MMS22L: variants seen among roughly 807,000 people sequenced by gnomAD.
The protein encoded by MMS22L is MMS22 like, DNA repair protein.
In MMS22L, 74 loss-of-function variants were observed where a neutral mutation model predicts 159.1. The ratio of observed to expected loss-of-function variants is 0.47; its 90% confidence interval spans 0.39 to 0.56. The LOEUF is 0.56. Among genes scored for constraint, MMS22L ranks in the 20% least tolerant of loss-of-function variants. The probability of loss-of-function intolerance (pLI) is 0.00; values close to 1 mark genes in which losing one functional copy is unlikely to be tolerated. For synonymous variants in MMS22L, 517 were observed against 506.9 expected (o/e 1.02, Z -0.27); for missense variants, 1,351 against 1,422.1 (o/e 0.95, Z 0.80).
In MMS22L at chr6:97,252,535, C is replaced by G. The variant is rs140620487; in HGVS notation, c.1119+2022G>C. On this transcript the variant is annotated intron_variant, in intron 10 of 24. Transcript: ENST00000683635. ...TGGTGTGTACCTGTAATCCCAGCTA[C>G]TCGGGAGGCTGAGGCAGGAGAATCA... is the stretch of plus-strand genomic sequence containing the variant. Among the ~76,000 whole-genome samples, 36 of 151,682 alleles carry G rather than the reference C, an allele frequency of 2.4e-4. No homozygotes were observed. In the East Asian group the frequency reaches 4.7e-3, roughly 20 times the overall value.
chr6:97,148,902 G>A (rs746681371), intron 24 of MMS22L, among the ~76,000 whole-genome samples: 5 of 151,658 alleles, frequency 3.3e-5, no homozygotes, highest in East Asian at 1.9e-4. Flanking sequence ...CTGCACTCAC[G>A]GTAAGTGCCC....
At position 97,161,904 on chromosome 6, in the gene MMS22L, T is replaced by A. The variant is rs1382381348; in HGVS notation, c.3385+98A>T. On this transcript the variant is annotated intron_variant, in intron 22 of 24. Coordinates refer to ENST00000683635, the MANE Select transcript of MMS22L (RefSeq NM_001350599.2). ...ACCCATATCAAGAGATATAAAAGAA[T>A]CACATATATTTTGTAACTATCCATT... The A allele has an allele frequency of 5.3e-6, 6 of 1,137,804 alleles. No individual in the cohort carries two copies. The East Asian group carries it at 1.5e-4, about 29-fold the overall frequency. The allele number at this position is 1,137,804 out of a possible 1,614,324, so 70.5% of individuals were successfully genotyped here.
At chr6:97,243,931 C>G (rs1003365593) in intron 11 of MMS22L, among the ~76,000 whole-genome samples, 1 of 152,086 alleles carries the variant, frequency 6.6e-6, no homozygotes, top group Non-Finnish European at 1.5e-5. Flanking sequence ...CTTCAGGTCT[C>G]TCAGCCGTGG....
intron 24 of MMS22L, among the ~76,000 whole-genome samples, chr6:97,149,297 A>T (rs894338976): frequency 2.6e-5 from 4 of 152,212 alleles, no homozygotes; most frequent in Non-Finnish European, 4.4e-5. Flanking sequence ...TAAGAAATAA[A>T]TATAGGCTTA....
rs757197722 is a variant in MMS22L at position 97,263,447 on chromosome 6, A to G, written c.830T>C (p.Val277Ala). 2 of 1,513,110 alleles carry G rather than the reference A, an allele frequency of 1.3e-6. No homozygotes were observed. The highest frequency in any genetic ancestry group is 1.8e-6 in the Non-Finnish European group (2 of 1,132,736). 93.7% of individuals were successfully genotyped at this position (1,513,110 alleles called of 1,614,324 possible). The change falls in exon 9 of 25, where the codon GTT (valine) becomes GCT (alanine). Residue 277 changes from valine to alanine, a missense_variant and splice_region_variant. Transcript: ENST00000683635. ...ACTCATTAATGATTCAGAAGACCTA[A>G]CCTATAGAAAATAACCAAAATGTGT... Reference protein sequence around the residue: ...ISLSLNRYDKVRSSESLMSDQ... With the variant: ...ISLSLNRYDKARSSESLMSDQ...
intron 14 of MMS22L, among the ~76,000 whole-genome samples, chr6:97,199,036 AG>A (rs1461441521): frequency 6.6e-6 from 1 of 152,194 alleles, no homozygotes. Flanking sequence ...AAACTAGCTT[AG>A]CTCTCACCAT....
intron 4 of MMS22L, among the ~76,000 whole-genome samples, chr6:97,275,262 C>T (rs561102793): frequency 1.3e-5 from 2 of 152,224 alleles, no homozygotes; most frequent in Admixed American, 6.5e-5. Flanking sequence ...GGCATGGTGG[C>T]TCACGCCTGT....
chr6:97,214,213 C>G (rs1465868938), intron 14 of MMS22L, among the ~76,000 whole-genome samples: 1 of 152,276 alleles, frequency 6.6e-6, no homozygotes, highest in South Asian at 2.1e-4. Flanking sequence ...GTACAATACC[C>G]AAGAGCCCTG....
chr6:97,256,158 T>C (rs1252146176), intron 9 of MMS22L, among the ~76,000 whole-genome samples: 2 of 152,092 alleles, frequency 1.3e-5, no homozygotes, highest in African/African-American at 2.4e-5. Context: ...ATTAATTTTT[T>C]CCCCCTCTAC....
chr6:97,266,124 C>T (rs541651216), intron 8 of MMS22L: 1 of 152,250 alleles, frequency 6.6e-6, no homozygotes, highest in Non-Finnish European at 1.5e-5. Context: ...TAAGATATCA[C>T]CTCAAACCTG....
intron 14 of MMS22L, among the ~76,000 whole-genome samples, chr6:97,192,371 AAGAC>A (rs991154875): frequency 2.6e-5 from 4 of 152,176 alleles, no homozygotes; most frequent in African/African-American, 4.8e-5. Flanking sequence ...GCTCTTGTCT[AAGAC>A]AGAAAAGATC....
intron 21 of MMS22L, among the ~76,000 whole-genome samples, chr6:97,164,049 G>C (rs532286503): frequency 6.6e-6 from 1 of 152,030 alleles, no homozygotes; most frequent in Non-Finnish European, 1.5e-5. Flanking sequence ...AAGTAATCTG[G>C]GGGCATTGTT....
intron 20 of MMS22L, among the ~76,000 whole-genome samples, chr6:97,167,754 T>A (rs949297158): frequency 2.6e-5 from 4 of 152,068 alleles, no homozygotes; most frequent in Non-Finnish European, 1.5e-5. Context: ...TTACCTCTGA[T>A]GTCCTCTACA....
At chr6:97,192,161 G>C (rs1282819306) in intron 14 of MMS22L, among the ~76,000 whole-genome samples, 2 of 142,876 alleles carry the variant, frequency 1.4e-5, no homozygotes, top group Non-Finnish European at 3.0e-5. Flanking sequence ...GTAAGTAGGT[G>C]GTAGACGGAT....
chr6:97,219,116 C>T (rs1171348817), intron 14 of MMS22L, among the ~76,000 whole-genome samples: 1 of 152,110 alleles, frequency 6.6e-6, no homozygotes, highest in Non-Finnish European at 1.5e-5. Context: ...ATAGGTCTCT[C>T]CCTCGACACG....
chr6:97,178,099 G>A (rs1804307528), intron 18 of MMS22L, among the ~76,000 whole-genome samples: 1 of 152,138 alleles, frequency 6.6e-6, no homozygotes. Context: ...ATCATGGAAT[G>A]TTTACAAGGA....
chr6:97,164,331 AC>A (rs1287067021), intron 21 of MMS22L, among the ~76,000 whole-genome samples: 1 of 151,410 alleles, frequency 6.6e-6, no homozygotes, highest in African/African-American at 2.4e-5. Context: ...AACACAGAAA[AC>A]TAATACTAGA....
chr6:97,153,836 TA>T (rs1259647573), intron 22 of MMS22L, among the ~76,000 whole-genome samples: 17 of 152,228 alleles, frequency 1.1e-4, no homozygotes, highest in Middle Eastern at 3.2e-3. Flanking sequence ...TTCCATTGTA[TA>T]AATATATCAA....
At chr6:97,234,763 G>C (rs1338586351) in intron 11 of MMS22L, among the ~76,000 whole-genome samples, 1 of 152,308 alleles carries the variant, frequency 6.6e-6, no homozygotes. Flanking sequence ...AAAGTAATTG[G>C]TAAAGGATAA....
Sources: gnomAD v4.1 joint callset for allele counts (sites outside exome capture counted in the v4.1 genomes callset) on GRCh38, gnomAD v4.1.1 for gene constraint, MANE v1.5 for transcripts, NCBI Gene and HGNC (gene_info 2026-07-23, HGNC 2026-07-21) for gene names.